The following SYT1 variants were observed in gnomAD, a reference collection of about 807,000 sequenced individuals.
SYT1 encodes synaptotagmin-1.
In SYT1, 8 loss-of-function variants were observed where a neutral mutation model predicts 44.8. The observed-to-expected ratio is 0.18, with a 90% CI of 0.10 to 0.32. SYT1 has a LOEUF of 0.32. SYT1 is among the 10% of genes least tolerant of loss of function. SYT1 has a pLI of 1.00. For synonymous variants in SYT1, 154 were observed against 188.8 expected (o/e 0.82, Z 1.51); for missense variants, 286 against 509.3 (o/e 0.56, Z 4.22).
At chr12:79,172,501 T>C (rs1298953817) in intron 3 of SYT1, among the ~76,000 whole-genome samples, 1 of 151,996 alleles carries the variant, frequency 6.6e-6, no homozygotes, top group Non-Finnish European at 1.5e-5. Context: ...TAAATCTTTT[T>C]TGAGCTTTTT....
intron 3 of SYT1, among the ~76,000 whole-genome samples, chr12:79,125,581 C>T (rs1476817724): frequency 1.3e-5 from 2 of 149,482 alleles, no homozygotes; most frequent in Non-Finnish European, 3.0e-5. Flanking sequence ...GATTGCACCA[C>T]TGCACCCCAG....
At chr12:79,115,983 G>C (rs1879255841) in intron 3 of SYT1, among the ~76,000 whole-genome samples, 1 of 152,158 alleles carries the variant, frequency 6.6e-6, no homozygotes, top group South Asian at 2.1e-4. Flanking sequence ...AGATTCTAAT[G>C]ATGTGAACAA....
At chr12:79,008,449 A>G (rs1417227267) in intron 2 of SYT1, among the ~76,000 whole-genome samples, 4 of 152,312 alleles carry the variant, frequency 2.6e-5, no homozygotes, top group East Asian at 1.9e-4. Context: ...CAGCAGATAA[A>G]TACTATGATC....
At chr12:79,303,775 A>C (rs73351045) in intron 8 of SYT1, among the ~76,000 whole-genome samples, 1,606 of 152,330 alleles carry the variant, frequency 0.011, 30 homozygotes, top group African/African-American at 0.036. Context: ...ACAGTTTTTT[A>C]ACTTCCAATG....
At chr12:79,149,974 CG>C (rs1392203121) in intron 3 of SYT1, among the ~76,000 whole-genome samples, 2 of 152,028 alleles carry the variant, frequency 1.3e-5, no homozygotes, top group African/African-American at 4.8e-5. Context: ...AGGTCTGAAA[CG>C]GTGTTTTGTT....
At chr12:79,089,271 T>A (rs1195762684) in intron 3 of SYT1, among the ~76,000 whole-genome samples, 2 of 152,016 alleles carry the variant, frequency 1.3e-5, no homozygotes, top group Non-Finnish European at 2.9e-5. Flanking sequence ...GTGGACAATT[T>A]GAACTCATTT....
chr12:79,112,541 A>G (rs558096429), intron 3 of SYT1, among the ~76,000 whole-genome samples: 57 of 152,252 alleles, frequency 3.7e-4, no homozygotes, highest in African/African-American at 1.3e-3. Flanking sequence ...TTGACCTACC[A>G]GTGAATACAG....
At chr12:78,900,017 T>C (rs113901156) in intron 1 of SYT1, among the ~76,000 whole-genome samples, 13 of 152,204 alleles carry the variant, frequency 8.5e-5, no homozygotes, top group Non-Finnish European at 1.9e-4. Context: ...TAGCATTATC[T>C]TGTAATTGTA....
At chr12:78,902,224 A>G (rs1031889875) in intron 1 of SYT1, among the ~76,000 whole-genome samples, 2 of 150,502 alleles carry the variant, frequency 1.3e-5, no homozygotes, top group Admixed American at 6.6e-5. Context: ...TTTAATACTG[A>G]TTATGCTGAT....
At chr12:78,993,251 G>A (rs898370373) in intron 2 of SYT1, among the ~76,000 whole-genome samples, 13 of 152,170 alleles carry the variant, frequency 8.5e-5, no homozygotes, top group African/African-American at 2.7e-4. Flanking sequence ...ACAACCAGGT[G>A]TTCTCAAATA....
At chr12:78,917,708 C>T (rs1354367363) in intron 1 of SYT1, among the ~76,000 whole-genome samples, 1 of 151,570 alleles carries the variant, frequency 6.6e-6, no homozygotes, top group South Asian at 2.1e-4. Context: ...TCCCCACAAA[C>T]CTGCCTAATG....
intron 3 of SYT1, among the ~76,000 whole-genome samples, chr12:79,213,654 A>G (rs1874601909): frequency 6.6e-6 from 1 of 152,156 alleles, no homozygotes; most frequent in South Asian, 2.1e-4. Flanking sequence ...TGGGCGCCTG[A>G]TGGCTCATGC....
intron 2 of SYT1, chr12:79,045,669 T>C (rs1311292192): frequency 6.6e-6 from 1 of 152,200 alleles, no homozygotes; most frequent in Admixed American, 6.5e-5. Flanking sequence ...AAGAATAAAA[T>C]AGTTGTTTGT....
intron 4 of SYT1, among the ~76,000 whole-genome samples, chr12:79,233,564 G>A (rs1013267752): frequency 2.0e-5 from 3 of 152,276 alleles, no homozygotes; most frequent in African/African-American, 7.2e-5. Flanking sequence ...GTGCTTCCAC[G>A]TGGCCTGGAC....
At chr12:79,051,414 T>A (rs1004912265) in intron 3 of SYT1, among the ~76,000 whole-genome samples, 3 of 150,334 alleles carry the variant, frequency 2.0e-5, no homozygotes, top group African/African-American at 7.3e-5. Flanking sequence ...ATCTCTACTA[T>A]ATATGTATAA....
intron 2 of SYT1, among the ~76,000 whole-genome samples, chr12:79,039,848 C>T (rs1873414382): frequency 7.2e-6 from 1 of 138,424 alleles, no homozygotes; most frequent in Non-Finnish European, 1.5e-5. Context: ...GTTCAATTCC[C>T]ACCTATGAGT....
chr12:79,300,789 TTATA>T (rs56934430), intron 8 of SYT1, among the ~76,000 whole-genome samples: 3,640 of 89,560 alleles, frequency 0.041, 110 homozygotes, highest in East Asian at 0.15. Context: ...TGTATACTTA[TTATA>T]TATATATATA....
chr12:79,256,650 TGAA>T (rs1042540548), intron 4 of SYT1, among the ~76,000 whole-genome samples: 3 of 151,554 alleles, frequency 2.0e-5, no homozygotes, highest in African/African-American at 7.2e-5. Flanking sequence ...CATTTTTTGA[TGAA>T]GGGAGATACA....
chr12:79,197,888 A>AT (rs1873557074), intron 3 of SYT1, among the ~76,000 whole-genome samples: 3 of 152,140 alleles, frequency 2.0e-5, no homozygotes, highest in Admixed American at 2.0e-4. Flanking sequence ...TGATGAATAA[A>AT]TTTTTTTCTA....
Sources: allele counts gnomAD v4.1 joint callset (sites outside exome capture counted in the v4.1 genomes callset), GRCh38; gene constraint gnomAD v4.1.1; transcripts MANE v1.5; gene names NCBI Gene and HGNC (gene_info 2026-07-23, HGNC 2026-07-21).